IGSF21: variants seen among roughly 807,000 people sequenced by gnomAD.
IGSF21 encodes the protein immunoglobulin superfamily member 21.
In IGSF21, 28 loss-of-function variants were observed where a neutral mutation model predicts 46.8. That is an observed-to-expected ratio of 0.60 (90% CI 0.44 to 0.82). The LOEUF (loss-of-function observed/expected upper bound fraction) is 0.82. IGSF21 is among the 40% of genes least tolerant of loss of function. The pLI, the probability that IGSF21 is intolerant of heterozygous loss-of-function variation, is 0.00. For synonymous variants in IGSF21, 284 were observed against 273.6 expected (o/e 1.04, Z -0.38); for missense variants, 624 against 665.5 (o/e 0.94, Z 0.69).
At chr1:18,299,531 A>G (rs959361939) in intron 3 of IGSF21, among the ~76,000 whole-genome samples, 2 of 152,178 alleles carry the variant, frequency 1.3e-5, no homozygotes, top group Non-Finnish European at 2.9e-5. Context: ...AAATATACCT[A>G]ACAGGTGCTG....
intron 4 of IGSF21, among the ~76,000 whole-genome samples, chr1:18,347,039 G>C (rs61537477): frequency 0.011 from 1,706 of 152,332 alleles, 27 homozygotes; most frequent in African/African-American, 0.038. Flanking sequence ...CCAGACAGAT[G>C]GGTTTGGGGC....
intron 1 of IGSF21, among the ~76,000 whole-genome samples, chr1:18,197,142 T>A (rs1005947105): frequency 2.0e-5 from 3 of 152,240 alleles, no homozygotes; most frequent in Admixed American, 1.3e-4. Context: ...TCACTCAGCA[T>A]TCGGGTGTCT....
intron 4 of IGSF21, among the ~76,000 whole-genome samples, chr1:18,336,684 C>G (rs1557649666): frequency 6.6e-6 from 1 of 152,186 alleles, no homozygotes. Flanking sequence ...TATTACTTCA[C>G]CAAAGAACCC....
intron 2 of IGSF21, among the ~76,000 whole-genome samples, chr1:18,240,493 T>C (rs934710599): frequency 4.6e-5 from 7 of 152,198 alleles, no homozygotes; most frequent in Admixed American, 2.0e-4. Flanking sequence ...TAGTTGAATG[T>C]CTCTCTCCCA....
intron 1 of IGSF21, among the ~76,000 whole-genome samples, chr1:18,205,140 GGAGA>G (rs140828822): frequency 4.7e-5 from 7 of 149,616 alleles, no homozygotes; most frequent in African/African-American, 1.5e-4. Flanking sequence ...GATAAGAAGG[GGAGA>G]GAGAGAGAGA....
Position 18,321,644 on chromosome 1 carries a change from C to T in IGSF21, c.306-13248C>T, listed in dbSNP as rs894987809. ...GAGCCAGAAAGTGGCTGTGTCCTCC[C>T]ATGCTGGAAGAGACCAGGCAGCTCT... On this transcript the variant is annotated intron_variant, in intron 3 of 9. Transcript: ENST00000251296. Among the ~76,000 whole-genome samples the T allele has an allele frequency of 2.6e-5, 4 of 152,216 alleles. No individual in the cohort carries two copies. In the South Asian group the frequency reaches 6.2e-4, roughly 24 times the overall value.
At chr1:18,126,805 C>T (rs1194232631) in intron 1 of IGSF21, among the ~76,000 whole-genome samples, 1 of 152,090 alleles carries the variant, frequency 6.6e-6, no homozygotes, top group African/African-American at 2.4e-5. Context: ...AGGCTTCCTC[C>T]CCCCACACCC....
At chr1:18,113,115 C>T (rs1253534443) in intron 1 of IGSF21, 1 of 152,208 alleles carries the variant, frequency 6.6e-6, no homozygotes, top group African/African-American at 2.4e-5. Context: ...GCTTTTTCAT[C>T]ACTGGAAAGG....
At chr1:18,344,200 A>G (rs904792542) in intron 4 of IGSF21, among the ~76,000 whole-genome samples, 1 of 151,908 alleles carries the variant, frequency 6.6e-6, no homozygotes, top group Non-Finnish European at 1.5e-5. Flanking sequence ...TTTCTTTTCC[A>G]CTCTGTCACC....
chr1:18,308,258 G>A (rs986549806), intron 3 of IGSF21, among the ~76,000 whole-genome samples: 3 of 152,178 alleles, frequency 2.0e-5, no homozygotes, highest in Non-Finnish European at 2.9e-5. Context: ...CTAGGGGACC[G>A]CTTCTTGGCT....
At chr1:18,266,237 G>T (rs1485482883) in intron 2 of IGSF21, among the ~76,000 whole-genome samples, 1 of 152,146 alleles carries the variant, frequency 6.6e-6, no homozygotes, top group Non-Finnish European at 1.5e-5. Context: ...AGGAGAGAGG[G>T]TCAGAGAGGC....
At chr1:18,141,287 A>G (rs1251135831) in intron 1 of IGSF21, among the ~76,000 whole-genome samples, 1 of 152,186 alleles carries the variant, frequency 6.6e-6, no homozygotes, top group Non-Finnish European at 1.5e-5. Context: ...ATTTATTATA[A>G]TGACTACTGT....
chr1:18,313,671 C>T (rs1355650487), intron 3 of IGSF21, among the ~76,000 whole-genome samples: 1 of 152,178 alleles, frequency 6.6e-6, no homozygotes, highest in Non-Finnish European at 1.5e-5. Flanking sequence ...TTACACAGGG[C>T]TCTCCATCTC....
At chr1:18,260,804 G>A (rs186082384) in intron 2 of IGSF21, among the ~76,000 whole-genome samples, 145 of 152,228 alleles carry the variant, frequency 9.5e-4, no homozygotes, top group African/African-American at 3.5e-3. Flanking sequence ...CAGCGTCCGA[G>A]CCCTGCCTCT....
At chr1:18,182,504 C>T (rs1301816686) in intron 1 of IGSF21, among the ~76,000 whole-genome samples, 1 of 152,136 alleles carries the variant, frequency 6.6e-6, no homozygotes, top group Non-Finnish European at 1.5e-5. Context: ...TTGAGGGTAA[C>T]TTGTTTCTTC....
intron 1 of IGSF21, among the ~76,000 whole-genome samples, chr1:18,212,324 T>A (rs1301058371): frequency 6.6e-6 from 1 of 152,200 alleles, no homozygotes; most frequent in Non-Finnish European, 1.5e-5. Flanking sequence ...TCAGAAGCTG[T>A]CCCCAGGTCT....
intron 2 of IGSF21, among the ~76,000 whole-genome samples, chr1:18,288,385 G>T (rs1569732995): frequency 6.6e-6 from 1 of 152,322 alleles, no homozygotes; most frequent in Middle Eastern, 3.4e-3. Flanking sequence ...TGCTGCTGCA[G>T]CCATCATCTT....
At chr1:18,175,359 A>C (rs1377864938) in intron 1 of IGSF21, among the ~76,000 whole-genome samples, 7 of 152,210 alleles carry the variant, frequency 4.6e-5, no homozygotes, top group Non-Finnish European at 1.0e-4. Context: ...TTTAGGACAA[A>C]TACTAGGCCT....
intron 1 of IGSF21, among the ~76,000 whole-genome samples, chr1:18,165,386 G>C (rs1003187985): frequency 1.3e-5 from 2 of 152,114 alleles, no homozygotes; most frequent in African/African-American, 4.8e-5. Context: ...GCAATTTCTG[G>C]TGTCTCTTGT....
Sources: gnomAD v4.1 joint callset for allele counts (sites outside exome capture counted in the v4.1 genomes callset) on GRCh38, gnomAD v4.1.1 for gene constraint, MANE v1.5 for transcripts, NCBI Gene and HGNC (gene_info 2026-07-23, HGNC 2026-07-21) for gene names.